AUTS2: variants seen among roughly 807,000 people sequenced by gnomAD.
AUTS2 encodes autism susceptibility gene 2 protein.
In AUTS2, 17 loss-of-function variants were observed where a neutral mutation model predicts 112.4. That is an observed-to-expected ratio of 0.15 (90% CI 0.10 to 0.23). AUTS2 has a LOEUF of 0.23. Among genes scored for constraint, AUTS2 ranks in the 10% least tolerant of loss-of-function variants. The probability of loss-of-function intolerance (pLI) is 1.00; values close to 1 mark genes in which losing one functional copy is unlikely to be tolerated. For synonymous variants in AUTS2, 751 were observed against 702.7 expected (o/e 1.07, Z -1.09); for missense variants, 1,510 against 1,701.6 (o/e 0.89, Z 1.98).
intron 2 of AUTS2, among the ~76,000 whole-genome samples, chr7:69,928,431 C>T (rs78996558): frequency 6.6e-6 from 1 of 152,202 alleles, no homozygotes; most frequent in Admixed American, 6.5e-5. Context: ...CCGTGATCAA[C>T]ATGCTGTCCA....
At chr7:70,681,151 G>A (rs987530123) in intron 5 of AUTS2, among the ~76,000 whole-genome samples, 2 of 152,226 alleles carry the variant, frequency 1.3e-5, no homozygotes, top group African/African-American at 4.8e-5. Context: ...CACTTGGCCA[G>A]CACAGGCCCA....
intron 4 of AUTS2, among the ~76,000 whole-genome samples, chr7:70,396,789 G>A (rs1408971550): frequency 6.6e-6 from 1 of 152,118 alleles, no homozygotes; most frequent in Non-Finnish European, 1.5e-5. Context: ...ATGGACGTCT[G>A]GGTTGTTTAC....
At chr7:69,741,875 C>T (rs1787280189) in intron 1 of AUTS2, among the ~76,000 whole-genome samples, 2 of 151,750 alleles carry the variant, frequency 1.3e-5, no homozygotes, top group South Asian at 4.2e-4. Context: ...GCGATATTGG[C>T]TCACTGCAGC....
At chr7:70,476,059 C>A (rs1244428869) in intron 5 of AUTS2, among the ~76,000 whole-genome samples, 1 of 152,008 alleles carries the variant, frequency 6.6e-6, no homozygotes, top group African/African-American at 2.4e-5. Flanking sequence ...AAAAAGCAAC[C>A]AGTAATACAA....
intron 5 of AUTS2, among the ~76,000 whole-genome samples, chr7:70,492,673 C>T (rs1798297382): frequency 6.6e-6 from 1 of 152,106 alleles, no homozygotes; most frequent in South Asian, 2.1e-4. Flanking sequence ...TGCTGATTCC[C>T]AGGGCTCCCT....
chr7:70,418,864 T>TC (rs1272801020), intron 4 of AUTS2, among the ~76,000 whole-genome samples: 3 of 152,126 alleles, frequency 2.0e-5, no homozygotes, highest in African/African-American at 7.2e-5. Flanking sequence ...GTTTTTTTTT[T>TC]CTTTCTGTGT....
intron 2 of AUTS2, among the ~76,000 whole-genome samples, chr7:70,087,333 A>G (rs1584700673): frequency 6.6e-6 from 1 of 150,762 alleles, no homozygotes; most frequent in African/African-American, 2.4e-5. Context: ...TTATTCGTAT[A>G]TATATAGTTG....
chr7:70,048,025 G>A (rs553569710), intron 2 of AUTS2, among the ~76,000 whole-genome samples: 8 of 152,220 alleles, frequency 5.3e-5, no homozygotes, highest in African/African-American at 1.4e-4. Context: ...GCTTACTTGA[G>A]GTAGTCATGA....
chr7:70,543,387 G>A (rs1353501226), intron 5 of AUTS2, among the ~76,000 whole-genome samples: 1 of 152,026 alleles, frequency 6.6e-6, no homozygotes, highest in Admixed American at 6.6e-5. Context: ...CTACTCGGGA[G>A]GGGTGGTGGC....
intron 1 of AUTS2, among the ~76,000 whole-genome samples, chr7:69,798,845 G>A (rs1789961709): frequency 1.3e-5 from 2 of 152,106 alleles, no homozygotes; most frequent in South Asian, 4.2e-4. Context: ...TAAAATTTTA[G>A]CTGGGTGTGA....
chr7:70,488,648 G>A (rs140408036), intron 5 of AUTS2, among the ~76,000 whole-genome samples: 1,785 of 152,044 alleles, frequency 0.012, 24 homozygotes, highest in African/African-American at 0.041. Flanking sequence ...TTTCCTCATG[G>A]GCCAGCCTGA....
chr7:70,177,206 T>C (rs1307423305), intron 4 of AUTS2, among the ~76,000 whole-genome samples: 1 of 152,254 alleles, frequency 6.6e-6, no homozygotes, highest in African/African-American at 2.4e-5. Context: ...TTGAGCTTTG[T>C]GTGCCAAGTA....
Position 70,771,568 on chromosome 7 carries a change from C to T in AUTS2, c.1754C>T (p.Pro585Leu). 4 of 1,613,008 alleles carry T rather than the reference C, an allele frequency of 2.5e-6. No individual in the cohort carries two copies. Among genetic ancestry groups the T allele is most frequent in the Non-Finnish European group, 1.7e-6 (2 of 1,179,242 alleles). The change falls in exon 11 of 19, where the codon CCT becomes CTT. Residue 585 changes from proline to leucine, a missense_variant. Pro to Leu is a moderately conservative substitution (Grantham distance 98). Around this residue, in one of 3 missense-constraint regions of AUTS2, gnomAD observed 187 missense variants for 309.7 expected, o/e 0.60. Coordinates refer to ENST00000342771, the MANE Select transcript of AUTS2 (RefSeq NM_015570.4). ...YRHSLFHSYPPAVSGIPPMIP... is the reference protein window; with the variant it reads ...YRHSLFHSYPLAVSGIPPMIP... ...CCACAGCTCTTCCATTCCTATCCTC[C>T]TGCAGTGTCGGGCATCCCCCCTATG...
At chr7:70,025,609 G>A (rs1800483685) in intron 2 of AUTS2, among the ~76,000 whole-genome samples, 2 of 151,590 alleles carry the variant, frequency 1.3e-5, no homozygotes, top group African/African-American at 4.8e-5. Flanking sequence ...GCACTACCAT[G>A]CCTGGCTAAG....
intron 2 of AUTS2, among the ~76,000 whole-genome samples, chr7:69,972,682 T>C (rs1797901597): frequency 6.6e-6 from 1 of 151,724 alleles, no homozygotes; most frequent in African/African-American, 2.4e-5. Context: ...TGTGTGTGTG[T>C]GTGTGTGTGT....
intron 1 of AUTS2, among the ~76,000 whole-genome samples, chr7:69,674,041 A>G (rs1796449818): frequency 6.6e-6 from 1 of 152,262 alleles, no homozygotes; most frequent in African/African-American, 2.4e-5. Context: ...AAACAGCACC[A>G]GGAAGTCTTG....
chr7:70,167,311 G>A (rs189144014), intron 4 of AUTS2, among the ~76,000 whole-genome samples: 75 of 152,216 alleles, frequency 4.9e-4, no homozygotes, highest in Admixed American at 2.1e-3. Flanking sequence ...CAAGTATAAA[G>A]CATGGTATCA....
intron 1 of AUTS2, among the ~76,000 whole-genome samples, chr7:69,720,300 C>T (rs998847253): frequency 1.3e-5 from 2 of 152,122 alleles, no homozygotes; most frequent in East Asian, 3.9e-4. Flanking sequence ...TATAAATCAA[C>T]CCTTGAGGGT....
intron 1 of AUTS2, among the ~76,000 whole-genome samples, chr7:69,668,170 C>G (rs1246235583): frequency 2.6e-5 from 4 of 152,148 alleles, no homozygotes; most frequent in Non-Finnish European, 5.9e-5. Context: ...GTTGGGCTAG[C>G]TTGCTCTTGG....
Sources: allele counts gnomAD v4.1 joint callset (sites outside exome capture counted in the v4.1 genomes callset), GRCh38; gene constraint gnomAD v4.1.1; regional missense constraint gnomAD v4.1.1; transcripts MANE v1.5; gene names NCBI Gene and HGNC (gene_info 2026-07-23, HGNC 2026-07-21).